XKR6: variants seen among roughly 807,000 people sequenced by gnomAD.
XKR6 encodes the protein XK related 6.
In XKR6, 22 loss-of-function variants were observed where a neutral mutation model predicts 56.7. That is an observed-to-expected ratio of 0.39 (90% CI 0.28 to 0.55). XKR6 has a LOEUF of 0.55. XKR6 is among the 20% of genes least tolerant of loss of function. The pLI is 0.66. For missense variants in XKR6, 852 were observed against 889.0 expected, an observed-to-expected ratio of 0.96 and a Z score of 0.53; for synonymous variants, 524 against 387.8, an observed-to-expected ratio of 1.35 and a Z score of -4.13.
At chr8:11,190,471 A>AC (rs1803517565) in intron 1 of XKR6, among the ~76,000 whole-genome samples, 2 of 152,114 alleles carry the variant, frequency 1.3e-5, no homozygotes, top group African/African-American at 2.4e-5. Context: ...AGGTGCATCT[A>AC]CCCTGAGAAA....
At chr8:10,978,516 T>C (rs1296593126) in intron 1 of XKR6, among the ~76,000 whole-genome samples, 1 of 152,176 alleles carries the variant, frequency 6.6e-6, no homozygotes, top group Non-Finnish European at 1.5e-5. Context: ...GAAACAGGTG[T>C]ATTTTATCAC....
chr8:11,027,962 C>A (rs1237122287), intron 1 of XKR6, among the ~76,000 whole-genome samples: 2 of 152,064 alleles, frequency 1.3e-5, no homozygotes, highest in Non-Finnish European at 2.9e-5. Context: ...ATTGACAGAT[C>A]GTCATCACCC....
At position 11,153,804 on chromosome 8, in the gene XKR6, T is replaced by C. The variant is rs556009903; in HGVS notation, c.764+46772A>G. ...GACTCCTTCCTCTCTCTTTCTTGCA[T>C]ATTTGCATCCAACCCATCAACAGAT... On this transcript the variant is annotated intron_variant, in intron 1 of 2. Transcript: ENST00000416569. Among the ~76,000 whole-genome samples, 3 of 152,350 alleles carry C rather than the reference T, an allele frequency of 2.0e-5. No individual in the cohort carries two copies. The South Asian group carries it at 6.2e-4, about 32-fold the overall frequency.
intron 1 of XKR6, among the ~76,000 whole-genome samples, chr8:11,117,508 T>C (rs1348939200): frequency 6.6e-6 from 1 of 152,204 alleles, no homozygotes; most frequent in Admixed American, 6.5e-5. Flanking sequence ...TTTGGGAAAC[T>C]TAAGGCAGCA....
At chr8:10,939,084 C>G (rs979548492) in intron 1 of XKR6, among the ~76,000 whole-genome samples, 2 of 152,100 alleles carry the variant, frequency 1.3e-5, no homozygotes, top group African/African-American at 4.8e-5. Context: ...CCAGGACCTG[C>G]TTCTGCAGCC....
chr8:11,079,775 T>C (rs1030926371), intron 1 of XKR6, among the ~76,000 whole-genome samples: 5 of 152,070 alleles, frequency 3.3e-5, no homozygotes, highest in African/African-American at 7.2e-5. Flanking sequence ...GCCTGGGCAA[T>C]ATAAGGAGAC....
At chr8:11,138,386 A>G (rs1800513713) in intron 1 of XKR6, 1 of 152,314 alleles carries the variant, frequency 6.6e-6, no homozygotes, top group South Asian at 2.1e-4. Context: ...TTTTATAAGC[A>G]AGTTTCTAGC....
intron 1 of XKR6, among the ~76,000 whole-genome samples, chr8:10,967,071 C>T (rs1420659639): frequency 2.6e-5 from 4 of 152,198 alleles, no homozygotes; most frequent in Non-Finnish European, 5.9e-5. Flanking sequence ...CCTGCATCTG[C>T]TGAGTCAGCC....
At chr8:10,991,395 G>C (rs1797990705) in intron 1 of XKR6, among the ~76,000 whole-genome samples, 2 of 152,130 alleles carry the variant, frequency 1.3e-5, no homozygotes, top group Non-Finnish European at 2.9e-5. Flanking sequence ...ATTCCAGTTA[G>C]CTCTTCCTTG....
intron 1 of XKR6, among the ~76,000 whole-genome samples, chr8:10,934,499 A>G (rs1451277132): frequency 1.6e-5 from 2 of 126,764 alleles, no homozygotes; most frequent in Non-Finnish European, 3.7e-5. Flanking sequence ...GAATGCTTCC[A>G]GTTTTTGCCC....
intron 1 of XKR6, among the ~76,000 whole-genome samples, chr8:11,103,922 G>T (rs944957054): frequency 3.3e-5 from 5 of 152,194 alleles, no homozygotes; most frequent in African/African-American, 1.2e-4. Context: ...TTCCACTGTT[G>T]CGGAATTTAA....
chr8:10,961,987 G>T (rs992300983), intron 1 of XKR6, among the ~76,000 whole-genome samples: 5 of 152,128 alleles, frequency 3.3e-5, no homozygotes, highest in African/African-American at 1.2e-4. Flanking sequence ...GAGAGTAAAA[G>T]CTATCCCTTT....
intron 1 of XKR6, among the ~76,000 whole-genome samples, chr8:11,040,048 C>T (rs775454408): frequency 2.0e-5 from 3 of 152,288 alleles, no homozygotes; most frequent in South Asian, 4.1e-4. Flanking sequence ...CCTCCCTCAC[C>T]GTCGGGAGGT....
At position 10,976,048 on chromosome 8, in the gene XKR6, C is replaced by T. The variant is rs572065878; in HGVS notation, c.765-51218G>A. Among the ~76,000 whole-genome samples, 397 of 152,076 alleles carry T rather than the reference C, an allele frequency of 2.6e-3. 1 individual carries two copies. Among genetic ancestry groups the T allele is most frequent in the African/African-American group, 8.4e-3 (350 of 41,488 alleles). The stretch of plus-strand genomic sequence containing the variant: ...AAAATTAGCTGGGCGCAATGGCGGG[C>T]GCCTGTAGTCCCAGCTACTTGGGAG... On this transcript the variant is annotated intron_variant, in intron 1 of 2. Coordinates refer to ENST00000416569, the MANE Select transcript of XKR6 (RefSeq NM_173683.4).
intron 1 of XKR6, among the ~76,000 whole-genome samples, chr8:11,099,561 T>C (rs756770510): frequency 6.6e-6 from 1 of 152,208 alleles, no homozygotes; most frequent in Non-Finnish European, 1.5e-5. Flanking sequence ...ATAACTCCTT[T>C]ACTTTCTTTA....
At chr8:11,003,176 T>G (rs1213781070) in intron 1 of XKR6, among the ~76,000 whole-genome samples, 2 of 152,254 alleles carry the variant, frequency 1.3e-5, no homozygotes, top group African/African-American at 4.8e-5. Context: ...GAGTACGTAC[T>G]CTATGTCAGA....
At chr8:10,983,786 G>C (rs1420136584) in intron 1 of XKR6, among the ~76,000 whole-genome samples, 1 of 151,914 alleles carries the variant, frequency 6.6e-6, no homozygotes, top group Non-Finnish European at 1.5e-5. Flanking sequence ...CTCCCAAGTA[G>C]CTGGGACTAC....
chr8:11,091,905 A>G (rs1035545789), intron 1 of XKR6, among the ~76,000 whole-genome samples: 6 of 152,208 alleles, frequency 3.9e-5, no homozygotes, highest in Admixed American at 3.3e-4. Flanking sequence ...TAAGCATTCA[A>G]TAAATATTTG....
At chr8:11,172,547 C>T (rs1477554635) in intron 1 of XKR6, among the ~76,000 whole-genome samples, 4 of 152,146 alleles carry the variant, frequency 2.6e-5, no homozygotes, top group Admixed American at 2.6e-4. Flanking sequence ...ATGGAAGTCA[C>T]TGGATTATCA....
Sources: gnomAD v4.1 joint callset for allele counts (sites outside exome capture counted in the v4.1 genomes callset) on GRCh38, gnomAD v4.1.1 for gene constraint, MANE v1.5 for transcripts, NCBI Gene and HGNC (gene_info 2026-07-23, HGNC 2026-07-21) for gene names.